Variants in GLIS3 observed in about 807,000 individuals in gnomAD.
The protein encoded by GLIS3 is GLIS family zinc finger 3.
Under a neutral mutation model 78.6 loss-of-function variants are expected in GLIS3, and 53 were observed. The ratio of observed to expected loss-of-function variants is 0.67; its 90% CI spans 0.54 to 0.85. The LOEUF (loss-of-function observed/expected upper bound fraction) is 0.85. Among genes scored for constraint, GLIS3 ranks in the 40% least tolerant of loss-of-function variants. The pLI is 0.00. For missense variants in GLIS3, 1,703 were observed against 1,231.1 expected, an observed-to-expected ratio of 1.38 and a Z score of -5.74; for synonymous variants, 684 against 509.9, an observed-to-expected ratio of 1.34 and a Z score of -4.60.
rs115379639 is a variant in GLIS3 at position 3,924,715 on chromosome 9, C to G, written c.1983+7645G>C. Among the ~76,000 whole-genome samples the G allele has an allele frequency of 8.2e-3, 1,252 of 152,280 alleles. 16 individuals are homozygous for G. The highest frequency in any genetic ancestry group is 0.029 in the African/African-American group (1,186 of 41,562). On this transcript the variant is annotated intron_variant, in intron 6 of 10. Transcript: ENST00000381971. ...GAGGGAGCAGTAATTGCACAAAGGA[C>G]ATGAATACTTTGGTGGGGATGGAGA...
At chr9:3,960,387 C>A (rs537800144) in intron 4 of GLIS3, among the ~76,000 whole-genome samples, 1 of 152,234 alleles carries the variant, frequency 6.6e-6, no homozygotes, top group South Asian at 2.1e-4. Context: ...TTATGGCAGC[C>A]CTAGCAAACT....
chr9:4,022,979 T>A (rs1019228610), intron 4 of GLIS3, among the ~76,000 whole-genome samples: 1 of 152,138 alleles, frequency 6.6e-6, no homozygotes, highest in Non-Finnish European at 1.5e-5. Flanking sequence ...GCTCTCTCTG[T>A]TGTCTTGTTT....
intron 2 of GLIS3, among the ~76,000 whole-genome samples, chr9:4,146,410 C>T (rs566989855): frequency 6.6e-6 from 1 of 152,244 alleles, no homozygotes; most frequent in African/African-American, 2.4e-5. Context: ...GGGTAAACAA[C>T]AAAAATACCT....
chr9:4,067,217 T>C (rs925134258), intron 4 of GLIS3, among the ~76,000 whole-genome samples: 1 of 151,806 alleles, frequency 6.6e-6, no homozygotes, highest in East Asian at 1.9e-4. Flanking sequence ...TAAAATTCTT[T>C]ATATTACTTT....
At chr9:4,142,767 C>T (rs867085044) in intron 2 of GLIS3, among the ~76,000 whole-genome samples, 9 of 152,282 alleles carry the variant, frequency 5.9e-5, no homozygotes, top group African/African-American at 1.9e-4. Flanking sequence ...ACATTAATCT[C>T]AACAAGCTCA....
chr9:4,113,173 A>G (rs939220935), intron 4 of GLIS3, among the ~76,000 whole-genome samples: 2 of 152,048 alleles, frequency 1.3e-5, no homozygotes, highest in Admixed American at 1.3e-4. Flanking sequence ...TATATATGTA[A>G]TATATATATG....
chr9:4,433,995 C>G, the GLIS3 span, among the ~76,000 whole-genome samples: 3 of 150,922 alleles, frequency 2.0e-5, no homozygotes, highest in Non-Finnish European at 4.4e-5. Flanking sequence ...ACTTGGGAGG[C>G]TGAGGCAGGA....
chr9:3,837,733 T>C (rs1237362962), intron 9 of GLIS3, among the ~76,000 whole-genome samples: 1 of 152,178 alleles, frequency 6.6e-6, no homozygotes, highest in Non-Finnish European at 1.5e-5. Flanking sequence ...GGCAAAATTA[T>C]AGAGACAGTA....
At chr9:4,195,538 G>C (rs887344956) in intron 2 of GLIS3, among the ~76,000 whole-genome samples, 1 of 152,232 alleles carries the variant, frequency 6.6e-6, no homozygotes, top group South Asian at 2.1e-4. Flanking sequence ...CTCCCCATGG[G>C]GCAGGGCTCG....
intron 2 of GLIS3, among the ~76,000 whole-genome samples, chr9:4,147,969 T>C (rs1302663227): frequency 1.3e-5 from 2 of 152,354 alleles, no homozygotes; most frequent in South Asian, 2.1e-4. Flanking sequence ...ATCTCTATAA[T>C]AGCTACGTAT....
chr9:4,353,205 C>A (rs1211478871), upstream of GLIS3, among the ~76,000 whole-genome samples: 1 of 152,140 alleles, frequency 6.6e-6, no homozygotes, highest in Non-Finnish European at 1.5e-5. Flanking sequence ...AAACTTGAGG[C>A]AAAAGTAAGC....
the GLIS3 span, among the ~76,000 whole-genome samples, chr9:4,353,499 G>C: frequency 1.4e-4 from 22 of 152,182 alleles, no homozygotes; most frequent in Admixed American, 8.5e-4. Context: ...GCCAAGAAAT[G>C]AGTAAGGCAT....
chr9:4,154,720 G>C (rs1355157640), intron 2 of GLIS3, among the ~76,000 whole-genome samples: 1 of 152,152 alleles, frequency 6.6e-6, no homozygotes, highest in African/African-American at 2.4e-5. Context: ...TGAGTTGAGA[G>C]TGTAATATGT....
intron 8 of GLIS3, among the ~76,000 whole-genome samples, chr9:3,856,942 A>G (rs1819834476): frequency 6.6e-6 from 1 of 152,186 alleles, no homozygotes; most frequent in Non-Finnish European, 1.5e-5. Context: ...GAAATGGATG[A>G]TTGTACATTG....
In GLIS3 at chr9:4,011,427, C is replaced by T. The variant is rs117285918; in HGVS notation, c.1711-74238G>A. On this transcript the variant is annotated intron_variant, in intron 4 of 10. Coordinates refer to ENST00000381971, the MANE Select transcript of GLIS3 (RefSeq NM_001042413.2). Reference sequence around the variant, plus strand: ...GAAATGTGTTTTGTTACGAGGCACTCGGCATTCAGTGGCCTGAGTGTCTTA... The same window carrying T: ...GAAATGTGTTTTGTTACGAGGCACTTGGCATTCAGTGGCCTGAGTGTCTTA... Among the ~76,000 whole-genome samples, 140 of 152,310 alleles carry T rather than the reference C, an allele frequency of 9.2e-4. 1 individual carries two copies. Among genetic ancestry groups the T allele is most frequent in the Admixed American group, 6.5e-3 (100 of 15,298 alleles).
upstream of GLIS3, among the ~76,000 whole-genome samples, chr9:4,349,457 C>G (rs192811361): frequency 5.0e-3 from 757 of 152,142 alleles, no homozygotes; most frequent in Non-Finnish European, 7.5e-3. Flanking sequence ...CTCGTAGAGT[C>G]TAATTGGTGT....
chr9:4,430,804 C>T, the GLIS3 span, among the ~76,000 whole-genome samples: 1 of 152,172 alleles, frequency 6.6e-6, no homozygotes, highest in Non-Finnish European at 1.5e-5. Flanking sequence ...CAAATTCCAA[C>T]TAGGACATTG....
chr9:3,957,527 C>G (rs1414821883), intron 4 of GLIS3, among the ~76,000 whole-genome samples: 1 of 152,136 alleles, frequency 6.6e-6, no homozygotes, highest in Non-Finnish European at 1.5e-5. Context: ...TATCAAGCAG[C>G]CCTAAGGATA....
At chr9:4,397,170 T>G in the GLIS3 span, among the ~76,000 whole-genome samples, 4 of 132,022 alleles carry the variant, frequency 3.0e-5, 1 homozygote, top group Non-Finnish European at 4.8e-5. Flanking sequence ...GGACTACAGG[T>G]GCCCGCCACT....
Sources: gnomAD v4.1 joint callset for allele counts (sites outside exome capture counted in the v4.1 genomes callset) on GRCh38, gnomAD v4.1.1 for gene constraint, MANE v1.5 for transcripts, NCBI Gene and HGNC (gene_info 2026-07-23, HGNC 2026-07-21) for gene names.